Variants in EPHA5 observed in about 807,000 individuals in gnomAD.
EPHA5 encodes the protein EPH receptor A5, also known as ephrin type-A receptor 5.
In EPHA5, 60 loss-of-function variants were observed where a neutral mutation model predicts 105.0. That is an observed-to-expected ratio of 0.57 (90% CI 0.46 to 0.71). EPHA5 has a LOEUF of 0.71. EPHA5 is among the 30% of genes least tolerant of loss of function. EPHA5 has a pLI of 0.00. For missense variants in EPHA5, 1,218 were observed against 1,274.7 expected (o/e 0.96, Z 0.68); for synonymous variants, 513 against 449.1 (o/e 1.14, Z -1.80).
chr4:65,452,309 T>G (rs1188620862), intron 5 of EPHA5, among the ~76,000 whole-genome samples: 1 of 152,142 alleles, frequency 6.6e-6, no homozygotes, highest in Non-Finnish European at 1.5e-5. Flanking sequence ...ATTAACGCAT[T>G]TATTTTCCTA....
At chr4:65,438,391 G>A (rs148788021) in intron 5 of EPHA5, among the ~76,000 whole-genome samples, 2,864 of 151,244 alleles carry the variant, frequency 0.019, 48 homozygotes, top group Non-Finnish European at 0.028. Context: ...TATAAATATG[G>A]ATATTAATGT....
At chr4:65,549,484 G>A (rs1190538694) in intron 3 of EPHA5, among the ~76,000 whole-genome samples, 1 of 152,114 alleles carries the variant, frequency 6.6e-6, no homozygotes, top group Non-Finnish European at 1.5e-5. Context: ...GAAATATAGA[G>A]CTAATAAAAG....
At chr4:65,612,509 T>A (rs1171758178) in intron 2 of EPHA5, among the ~76,000 whole-genome samples, 3 of 152,224 alleles carry the variant, frequency 2.0e-5, no homozygotes, top group Non-Finnish European at 2.9e-5. Context: ...ACTTCATTCT[T>A]CTTTATTATT....
At chr4:65,390,804 T>C (rs1314599263) in intron 8 of EPHA5, among the ~76,000 whole-genome samples, 2 of 152,044 alleles carry the variant, frequency 1.3e-5, no homozygotes, top group African/African-American at 4.8e-5. Context: ...AAGTATGCCA[T>C]TTTTCTGTGA....
chr4:65,658,046 C>T (rs1749228214), intron 1 of EPHA5, among the ~76,000 whole-genome samples: 1 of 151,606 alleles, frequency 6.6e-6, no homozygotes, highest in African/African-American at 2.4e-5. Flanking sequence ...TTACAGGGAT[C>T]TCTATTTCCA....
At chr4:65,643,475 A>C in intron 1 of EPHA5, 48 bp from the exon 2 acceptor site, 1 of 1,464,338 alleles carries the variant, frequency 6.8e-7, no homozygotes, top group Non-Finnish European at 9.5e-7. Flanking sequence ...ATTATCATGA[A>C]TATTGTATCT....
At chr4:65,544,614 T>C (rs1469480610) in intron 3 of EPHA5, among the ~76,000 whole-genome samples, 1 of 152,018 alleles carries the variant, frequency 6.6e-6, no homozygotes, top group East Asian at 1.9e-4. Context: ...TAGCGACGCT[T>C]TTACATTGTT....
intron 3 of EPHA5, among the ~76,000 whole-genome samples, chr4:65,516,408 C>T (rs1214064708): frequency 1.4e-5 from 2 of 146,630 alleles, no homozygotes; most frequent in East Asian, 4.1e-4. Context: ...GTTGAGTAGG[C>T]TGAGAAGGAT....
chr4:65,556,590 A>C (rs527506307), intron 3 of EPHA5, among the ~76,000 whole-genome samples: 1 of 152,310 alleles, frequency 6.6e-6, no homozygotes, highest in East Asian at 1.9e-4. Context: ...ACAGTGATCC[A>C]AGTCACATGT....
Position 65,519,017 on chromosome 4 carries a change from G to A in EPHA5, c.911-23474C>T, listed in dbSNP as rs191993111. Among the ~76,000 whole-genome samples, 242 of 152,056 alleles carry A rather than the reference G, an allele frequency of 1.6e-3. 2 individuals carry two copies. Among genetic ancestry groups the A allele is most frequent in the African/African-American group, 5.6e-3 (232 of 41,514 alleles). On this transcript the variant is annotated intron_variant, in intron 3 of 16. Transcript: ENST00000613740. ...GCCTGGCAGAGACACAACCAAAAAA[G>A]AGAATTTTAGACCAATATCCTTGAT...
At chr4:65,542,587 A>G (rs1736949731) in intron 3 of EPHA5, among the ~76,000 whole-genome samples, 1 of 151,950 alleles carries the variant, frequency 6.6e-6, no homozygotes, top group African/African-American at 2.4e-5. Context: ...TAAGTAGTCT[A>G]CCAACCAAAG....
chr4:65,577,903 T>C (rs1741222779), intron 3 of EPHA5, among the ~76,000 whole-genome samples: 2 of 152,116 alleles, frequency 1.3e-5, no homozygotes, highest in Non-Finnish European at 2.9e-5. Flanking sequence ...AGACTAGAAA[T>C]TGTCCCCATA....
intron 3 of EPHA5, among the ~76,000 whole-genome samples, chr4:65,569,473 A>C (rs1270560889): frequency 1.3e-5 from 2 of 151,676 alleles, no homozygotes; most frequent in African/African-American, 2.4e-5. Context: ...CCAAGTAATT[A>C]AAATAATGTT....
intron 3 of EPHA5, among the ~76,000 whole-genome samples, chr4:65,600,984 A>C (rs1743665636): frequency 6.6e-6 from 1 of 152,156 alleles, no homozygotes. Context: ...CCCCCAGGGC[A>C]AATTGCTTTA....
intron 3 of EPHA5, among the ~76,000 whole-genome samples, chr4:65,507,202 C>T (rs1476110391): frequency 6.6e-6 from 1 of 152,008 alleles, no homozygotes; most frequent in African/African-American, 2.4e-5. Flanking sequence ...TTTCTGAGGG[C>T]TCTGTTCTGT....
chr4:65,436,024 T>C (rs937654942), intron 5 of EPHA5, among the ~76,000 whole-genome samples: 7 of 152,084 alleles, frequency 4.6e-5, no homozygotes, highest in African/African-American at 1.7e-4. Context: ...GATGCTATAA[T>C]GTTCTCAATG....
At chr4:65,559,711 A>G (rs1393056699) in intron 3 of EPHA5, among the ~76,000 whole-genome samples, 1 of 152,142 alleles carries the variant, frequency 6.6e-6, no homozygotes, top group Non-Finnish European at 1.5e-5. Context: ...GGGTATTAGA[A>G]GGGCTTCTAG....
rs777730459 is a variant in EPHA5, at chr4:65,321,435, A to G, written c.*2679T>C. On this transcript the variant is annotated 3_prime_UTR_variant, in exon 17 of 17. Transcript: ENST00000613740. ...TTGCAGATGAGATTGGCATTTTCCAATTGGTGACATATACAATAGGAAACA... is the reference window on the plus strand; with the variant it reads ...TTGCAGATGAGATTGGCATTTTCCAGTTGGTGACATATACAATAGGAAACA... The G allele has an allele frequency of 5.7e-5, 13 of 230,044 alleles. No individual in the cohort carries two copies. Among genetic ancestry groups the G allele is most frequent in the Non-Finnish European group, 8.6e-5 (10 of 116,068 alleles). 14.3% of individuals were successfully genotyped at this position (230,044 alleles called of 1,614,324 possible).
intron 5 of EPHA5, among the ~76,000 whole-genome samples, chr4:65,460,594 A>G (rs13434442): frequency 0.25 from 38,358 of 151,372 alleles, 5,270 homozygotes; most frequent in Middle Eastern, 0.35. Flanking sequence ...AATATTTTAT[A>G]TAATATATAG....
Sources: allele counts gnomAD v4.1 joint callset (sites outside exome capture counted in the v4.1 genomes callset), GRCh38; gene constraint gnomAD v4.1.1; transcripts MANE v1.5; gene names NCBI Gene and HGNC (gene_info 2026-07-23, HGNC 2026-07-21).